SV2C: variants seen among roughly 807,000 people sequenced by gnomAD.
The protein encoded by SV2C is solute carrier family 22 member B3.
A neutral mutation model predicts 79.7 loss-of-function variants in SV2C; 49 were observed. The ratio of observed to expected loss-of-function variants is 0.61; its 90% CI spans 0.49 to 0.78. The LOEUF is 0.78. SV2C is among the 30% of genes least tolerant of loss of function. The pLI is 0.00. For missense variants in SV2C, 833 were observed against 912.9 expected, an observed-to-expected ratio of 0.91 and a Z score of 1.13; for synonymous variants, 334 against 333.2, an observed-to-expected ratio of 1.00 and a Z score of -0.03.
At chr5:75,996,447 G>C in the SV2C span, among the ~76,000 whole-genome samples, 3 of 152,232 alleles carry the variant, frequency 2.0e-5, no homozygotes, top group African/African-American at 7.2e-5. Context: ...TTTTGGCTTA[G>C]GATTGACTTG....
At chr5:76,007,851 G>A in the SV2C span, among the ~76,000 whole-genome samples, 1 of 152,120 alleles carries the variant, frequency 6.6e-6, no homozygotes, top group African/African-American at 2.4e-5. Flanking sequence ...ATACTTCAGA[G>A]CATAACTATT....
At chr5:76,215,579 C>T (rs1040309850) in intron 4 of SV2C, among the ~76,000 whole-genome samples, 10 of 152,224 alleles carry the variant, frequency 6.6e-5, no homozygotes, top group African/African-American at 2.4e-4. Context: ...TATCTCTCCT[C>T]TGAAATCTGC....
intron 3 of SV2C, among the ~76,000 whole-genome samples, chr5:76,195,795 T>C (rs1049956973): frequency 2.0e-5 from 3 of 152,162 alleles, no homozygotes; most frequent in Non-Finnish European, 4.4e-5. Flanking sequence ...TATAAAATTT[T>C]TATAACGAAT....
the SV2C span, among the ~76,000 whole-genome samples, chr5:75,918,692 C>T: frequency 6.6e-6 from 1 of 152,206 alleles, no homozygotes; most frequent in African/African-American, 2.4e-5. Flanking sequence ...AAAGGACTAA[C>T]TCTTGAATGA....
chr5:75,948,148 T>A, the SV2C span, among the ~76,000 whole-genome samples: 1 of 152,076 alleles, frequency 6.6e-6, no homozygotes, highest in Non-Finnish European at 1.5e-5. Flanking sequence ...TTACATTGAA[T>A]TATTTGTTTA....
the SV2C span, among the ~76,000 whole-genome samples, chr5:75,916,386 T>G: frequency 9.0e-6 from 1 of 111,226 alleles, no homozygotes; most frequent in Non-Finnish European, 1.8e-5. Flanking sequence ...CCTCCTCCCC[T>G]TCCCCTTCCC....
intron 1 of SV2C, among the ~76,000 whole-genome samples, chr5:76,084,954 G>T (rs1747131132): frequency 6.6e-6 from 1 of 152,154 alleles, no homozygotes; most frequent in South Asian, 2.1e-4. Flanking sequence ...CTCCCCGGGG[G>T]ACCGAGGAGA....
the SV2C span, among the ~76,000 whole-genome samples, chr5:75,959,150 G>A: frequency 1.3e-5 from 2 of 151,864 alleles, no homozygotes; most frequent in African/African-American, 4.8e-5. Context: ...GGATAAAAAC[G>A]ATAGGGTTTC....
chr5:75,873,896 A>T, the SV2C span, among the ~76,000 whole-genome samples: 1 of 152,182 alleles, frequency 6.6e-6, no homozygotes, highest in African/African-American at 2.4e-5. Context: ...CAAGCTCTGA[A>T]AATGAATCAG....
At chr5:76,229,254 C>T (rs1397456336) in intron 4 of SV2C, among the ~76,000 whole-genome samples, 1 of 152,244 alleles carries the variant, frequency 6.6e-6, no homozygotes, top group Admixed American at 6.5e-5. Flanking sequence ...AGAGTTCTTC[C>T]TACCCCCATC....
chr5:75,968,356 C>A, the SV2C span, among the ~76,000 whole-genome samples: 2 of 152,128 alleles, frequency 1.3e-5, no homozygotes, highest in East Asian at 3.9e-4. Context: ...GAGAAGAAGG[C>A]TTCCAAAGAT....
the SV2C span, chr5:75,911,653 G>C: frequency 1.4e-6 from 1 of 700,248 alleles, no homozygotes; most frequent in Admixed American, 1.8e-5. Context: ...GAACCCCGAA[G>C]AACTTTGCAC....
intron 2 of SV2C, among the ~76,000 whole-genome samples, chr5:76,142,735 C>CT (rs1236836149): frequency 1.3e-5 from 2 of 151,980 alleles, no homozygotes; most frequent in African/African-American, 4.8e-5. Context: ...ATTTTAATTT[C>CT]TTTTTTAAAA....
chr5:75,980,750 A>G, the SV2C span, among the ~76,000 whole-genome samples: 181 of 152,300 alleles, frequency 1.2e-3, no homozygotes, highest in Middle Eastern at 3.4e-3. Context: ...CCCATAACCA[A>G]CATCATACTG....
chr5:76,312,523 G>A (rs1250065932), intron 12 of SV2C, among the ~76,000 whole-genome samples: 1 of 152,154 alleles, frequency 6.6e-6, no homozygotes, highest in Admixed American at 6.5e-5. Context: ...AACGTGCTGG[G>A]ATTACAGACA....
intron 1 of SV2C, among the ~76,000 whole-genome samples, chr5:76,085,363 CACTACTGATA>C (rs1230989802): frequency 7.2e-5 from 11 of 152,300 alleles, no homozygotes; most frequent in Non-Finnish European, 2.9e-5. Flanking sequence ...CGTTAAAAAA[CACTACTGATA>C]ACGCATTCTC....
At chr5:76,210,381 G>T (rs1392758643) in intron 4 of SV2C, among the ~76,000 whole-genome samples, 2 of 152,118 alleles carry the variant, frequency 1.3e-5, no homozygotes, top group Non-Finnish European at 2.9e-5. Context: ...CCACCCTCAG[G>T]TTTGATCATT....
the SV2C span, among the ~76,000 whole-genome samples, chr5:75,974,156 T>C: frequency 2.4e-4 from 37 of 152,148 alleles, no homozygotes; most frequent in African/African-American, 6.7e-4. Flanking sequence ...GAGTTAATGA[T>C]GAGGTTTTTA....
At chr5:76,306,058 C>T (rs1295735097) in intron 12 of SV2C, among the ~76,000 whole-genome samples, 1 of 152,030 alleles carries the variant, frequency 6.6e-6, no homozygotes, top group African/African-American at 2.4e-5. Flanking sequence ...GATGGGGTCT[C>T]CCTCTGTTGC....
Sources: gnomAD v4.1 joint callset for allele counts (sites outside exome capture counted in the v4.1 genomes callset) on GRCh38, gnomAD v4.1.1 for gene constraint, MANE v1.5 for transcripts, NCBI Gene and HGNC (gene_info 2026-07-23, HGNC 2026-07-21) for gene names.